The following ANXA7 variants were observed in gnomAD, a reference collection of about 807,000 sequenced individuals.
ANXA7 encodes annexin VII.
Under a neutral mutation model 64.9 loss-of-function variants are expected in ANXA7, and 55 were observed. That is an observed-to-expected ratio of 0.85 (90% confidence interval 0.68 to 1.06). The LOEUF (loss-of-function observed/expected upper bound fraction) is 1.06, where lower values mean the gene tolerates loss of function less well. ANXA7 is among the 50% of genes least tolerant of loss of function. ANXA7 has a pLI of 0.00. For synonymous variants in ANXA7, 200 were observed against 192.4 expected (o/e 1.04, Z -0.33); for missense variants, 548 against 582.1 (o/e 0.94, Z 0.60).
At chr10:73,394,327 G>T (rs1199029665) in intron 5 of ANXA7, among the ~76,000 whole-genome samples, 1 of 152,148 alleles carries the variant, frequency 6.6e-6, no homozygotes, top group Non-Finnish European at 1.5e-5. Context: ...TCTAGAACTA[G>T]AAACACCATT....
chr10:73,402,951 A>G (rs2055693410), intron 1 of ANXA7, among the ~76,000 whole-genome samples: 1 of 151,994 alleles, frequency 6.6e-6, no homozygotes, highest in South Asian at 2.1e-4. Context: ...CAGCCTCCCA[A>G]GTAGCTGGGA....
At chr10:73,397,030 T>G (rs1170925114) in intron 4 of ANXA7, 134 bp downstream of exon 4, 5 of 495,674 alleles carry the variant, frequency 1.0e-5, no homozygotes, top group Non-Finnish European at 1.8e-5. Flanking sequence ...CATAAAACCA[T>G]TATGTTTAAA....
At chr10:73,387,502 G>A (rs769173484) in intron 7 of ANXA7, among the ~76,000 whole-genome samples, 187 bp downstream of exon 7, 2 of 136,018 alleles carry the variant, frequency 1.5e-5, no homozygotes, top group African/African-American at 3.0e-5. Flanking sequence ...ATGTTGGTGC[G>A]AGACTTCATC....
intron 12 of ANXA7, among the ~76,000 whole-genome samples, chr10:73,377,773 G>GGGGGGT (rs1554815379): frequency 3.2e-5 from 4 of 124,822 alleles, no homozygotes; most frequent in Admixed American, 7.8e-5. Flanking sequence ...GGTGGGTGTG[G>GGGGGGT]GTGTGTGTGT....
In ANXA7 at chr10:73,383,228, T is replaced by A; in HGVS notation, c.865A>T (p.Ile289Phe). 6.2e-7 allele frequency: 1 copy of A among 1,614,188 alleles called. No homozygotes were observed. Among genetic ancestry groups the A allele is most frequent in the Non-Finnish European group, 8.5e-7 (1 of 1,180,022 alleles). The change falls in exon 9 of 13, where the codon ATT becomes TTT. Residue 289 changes from isoleucine to phenylalanine, a missense_variant. Transcript: ENST00000372921. The part of the protein sequence containing the change: ...SEFGRDLEKD[I>F]RSDTSGHFER... ...AAATGTCCTGATGTATCTGACCTAA[T>A]GTCCTTTTCAAGGTCTCGTCCAAAT...
chr10:73,382,365 C>T (rs1229471415), intron 9 of ANXA7, among the ~76,000 whole-genome samples: 1 of 151,742 alleles, frequency 6.6e-6, no homozygotes, highest in Non-Finnish European at 1.5e-5. Context: ...TTTTTAAGGA[C>T]AGGATCTCAC....
chr10:73,407,447 G>C (rs2055775263), intron 1 of ANXA7, among the ~76,000 whole-genome samples: 1 of 152,092 alleles, frequency 6.6e-6, no homozygotes, highest in South Asian at 2.1e-4. Flanking sequence ...GTAGCTCCAG[G>C]ATGGGGCCTG....
chr10:73,393,127 T>C (rs990194601), intron 5 of ANXA7, among the ~76,000 whole-genome samples: 38 of 152,110 alleles, frequency 2.5e-4, no homozygotes, highest in African/African-American at 8.2e-4. Flanking sequence ...ATAAAATACA[T>C]AGGAAGCCAA....
rs775570274 is a variant in ANXA7 at position 73,387,846 on chromosome 10, CTTTTTTTT to C, written c.539-71_539-64del. 1.4e-3 allele frequency: 797 copies of C among 551,114 alleles called. 1 individual carries two copies. Among genetic ancestry groups the C allele is most frequent in the Non-Finnish European group, 1.9e-3 (627 of 333,930 alleles). 34.1% of individuals were successfully genotyped at this position (551,114 alleles called of 1,614,324 possible). A position where few individuals can be genotyped will look rare whatever the true frequency, so the allele number is the denominator to read the frequency against. On this transcript the variant is annotated intron_variant, in intron 6 of 12. Coordinates refer to ENST00000372921, the MANE Select transcript of ANXA7 (RefSeq NM_001156.5). The stretch of plus-strand genomic sequence containing the variant: ...CATGCTAGGTGCTGCTTGAGGTCAT[CTTTTTTTT>C]TTTTTTTTTTTTTTGAGACGGAGTT...
At chr10:73,397,315 C>G (rs1313702743) in intron 3 of ANXA7, 41 bp from the exon 4 acceptor site, 2 of 1,298,940 alleles carry the variant, frequency 1.5e-6, no homozygotes, top group South Asian at 2.7e-5. Context: ...GTACAGTTCT[C>G]ATGATTGCAG....
intron 5 of ANXA7, 130 bp downstream of exon 5, chr10:73,396,389 A>G: frequency 1.4e-6 from 1 of 698,410 alleles, no homozygotes; most frequent in Non-Finnish European, 2.5e-6. Flanking sequence ...GGAGTCTATC[A>G]GAAGTAAAGA....
intron 3 of ANXA7, 78 bp downstream of exon 3, chr10:73,398,103 G>T: frequency 7.1e-7 from 1 of 1,413,108 alleles, no homozygotes; most frequent in South Asian, 1.3e-5. Context: ...AAACAAGCAG[G>T]AATGAAGAGG....
chr10:73,383,512 T>C (rs1414584980), intron 8 of ANXA7, 65 bp downstream of exon 8: 12 of 1,377,070 alleles, frequency 8.7e-6, no homozygotes, highest in East Asian at 2.4e-5. Context: ...AGAACTGTCA[T>C]AATTTGTACG....
chr10:73,379,952 C>T lies in ANXA7; in HGVS notation c.1092G>A (p.Met364Ile). ...CACTGCTTAACAAGTCTCGATTAGC[C>T]ATCTGCAAACAAAATTAAAGGGTTA... ...LRATMEAYSR[M>I]ANRDLLSSVS... The change falls in exon 11 of 13, where the codon ATG (methionine) becomes ATA (isoleucine). Residue 364 changes from methionine (M) to isoleucine (I), a missense_variant and splice_region_variant. Transcript: ENST00000372921. 6.2e-7 allele frequency: 1 copy of T among 1,613,600 alleles called. No homozygotes were observed. Among genetic ancestry groups the T allele is most frequent in the South Asian group, 1.1e-5 (1 of 90,926 alleles).
In ANXA7 at chr10:73,383,261, G is replaced by C; in HGVS notation, c.832C>G (p.Gln278Glu). ...TCAAGGTCTCGTCCAAATTCTGACT[G>C]ATAACATCTGACAATTTCTCGGATT... ...QEIREIVRCY[Q>E]SEFGRDLEKD... Residue 278 changes from glutamine (Q) to glutamate (E), a missense_variant, in exon 9 of 13, where the codon CAG (glutamine) becomes GAG (glutamate). By Grantham distance (29) the Gln-to-Glu change is conservative. Coordinates refer to ENST00000372921, the MANE Select transcript of ANXA7 (RefSeq NM_001156.5). The C allele has an allele frequency of 6.2e-7, 1 of 1,614,030 alleles. No individual in the cohort carries two copies. Among genetic ancestry groups the C allele is most frequent in the Middle Eastern group, 1.6e-4 (1 of 6,062 alleles).
intron 9 of ANXA7, among the ~76,000 whole-genome samples, chr10:73,381,088 G>C (rs1350637727): frequency 1.3e-5 from 2 of 151,774 alleles, no homozygotes; most frequent in East Asian, 3.9e-4. Flanking sequence ...CCCAGGCTGG[G>C]GTGCAATGGC....
chr10:73,413,641 A>G (rs1018842320), intron 1 of ANXA7, among the ~76,000 whole-genome samples: 1 of 152,230 alleles, frequency 6.6e-6, no homozygotes, highest in African/African-American at 2.4e-5. Flanking sequence ...AAGTACAGCC[A>G]CTACCAGCCA....
At chr10:73,378,477 G>A (rs1165937098) in intron 12 of ANXA7, among the ~76,000 whole-genome samples, 1 of 150,892 alleles carries the variant, frequency 6.6e-6, no homozygotes, top group Non-Finnish European at 1.5e-5. Flanking sequence ...TTTTAAAAAT[G>A]AGGCTATACT....
chr10:73,400,895 T>G, intron 1 of ANXA7, 38 bp from the exon 2 acceptor site: 1 of 1,552,018 alleles, frequency 6.4e-7, no homozygotes, highest in Non-Finnish European at 8.8e-7. Flanking sequence ...GTAAGTTTTT[T>G]GTTGTTTTGT....
Sources: allele counts gnomAD v4.1 joint callset (sites outside exome capture counted in the v4.1 genomes callset), GRCh38; gene constraint gnomAD v4.1.1; transcripts MANE v1.5; gene names NCBI Gene and HGNC (gene_info 2026-07-23, HGNC 2026-07-21).